NEDD8: variants seen among roughly 807,000 people sequenced by gnomAD.
NEDD8 encodes the protein ubiquitin-like protein NEDD8.
NEDD8 carries 1 observed loss-of-function variant against 13.8 expected under a neutral mutation model. The ratio of observed to expected loss-of-function variants is 0.07; its 90% CI spans 0.03 to 0.34. The LOEUF (loss-of-function observed/expected upper bound fraction) is 0.34. Ranked by LOEUF, NEDD8 falls within the 10% of genes least tolerant of loss-of-function variation. The pLI, the probability that NEDD8 is intolerant of heterozygous loss-of-function variation, is 0.99. For missense variants in NEDD8, 10 were observed against 95.2 expected (o/e 0.10, Z 3.73); for synonymous variants, 31 against 33.2 (o/e 0.93, Z 0.23).
At chr14:24,222,280 G>T (rs1350879329) in intron 1 of NEDD8, among the ~76,000 whole-genome samples, 1 of 152,056 alleles carries the variant, frequency 6.6e-6, no homozygotes, top group Non-Finnish European at 1.5e-5. Flanking sequence ...CAATGTTTAG[G>T]ATAACTATTT....
At chr14:24,218,735 G>A (rs1319513157) in intron 1 of NEDD8, 3 of 441,928 alleles carry the variant, frequency 6.8e-6, no homozygotes, top group Non-Finnish European at 1.2e-5. Context: ...AGATGATACG[G>A]CAATGAAAGG....
At chr14:24,232,106 C>T in intron 1 of NEDD8, 144 bp downstream of exon 1, 3 of 1,341,390 alleles carry the variant, frequency 2.2e-6, no homozygotes, top group South Asian at 2.7e-5. Context: ...CCCCCTATTT[C>T]CCACCACCCC....
intron 1 of NEDD8, among the ~76,000 whole-genome samples, chr14:24,225,969 G>A (rs1310373558): frequency 6.6e-6 from 1 of 151,912 alleles, no homozygotes; most frequent in East Asian, 1.9e-4. Context: ...AACCCAGGAG[G>A]TGGAGGTTGC....
At chr14:24,223,827 C>T (rs1031719805) in intron 1 of NEDD8, among the ~76,000 whole-genome samples, 1 of 152,026 alleles carries the variant, frequency 6.6e-6, no homozygotes, top group African/African-American at 2.4e-5. Flanking sequence ...CTCCGCCTCC[C>T]AGGCTCAAGC....
At chr14:24,229,575 C>T (rs2039955156) in intron 1 of NEDD8, among the ~76,000 whole-genome samples, 1 of 152,154 alleles carries the variant, frequency 6.6e-6, no homozygotes, top group East Asian at 1.9e-4. Flanking sequence ...AGGTCTCAAC[C>T]CATCAGTGGG....
At chr14:24,218,682 A>C in intron 1 of NEDD8, 1 of 573,732 alleles carries the variant, frequency 1.7e-6, no homozygotes, top group South Asian at 2.2e-5. Flanking sequence ...GTCATCTTCC[A>C]ACATCAGTCC....
At chr14:24,218,028 G>T in intron 3 of NEDD8, 105 bp downstream of exon 3, 1 of 1,451,232 alleles carries the variant, frequency 6.9e-7, no homozygotes, top group Non-Finnish European at 9.5e-7. Context: ...AGAGTCTTAG[G>T]CACCAAAAAC....
At chr14:24,230,606 CT>C (rs2039980037) in intron 1 of NEDD8, among the ~76,000 whole-genome samples, 1 of 149,244 alleles carries the variant, frequency 6.7e-6, no homozygotes, top group Non-Finnish European at 1.5e-5. Context: ...TTTTCTCCCC[CT>C]CTCTCTTTCT....
At chr14:24,231,924 T>G in intron 1 of NEDD8, 6 of 323,086 alleles carry the variant, frequency 1.9e-5, no homozygotes, top group South Asian at 1.4e-4. Flanking sequence ...GACGGGGGAG[T>G]CAAGCCGCTG....
At chr14:24,220,784 T>C (rs8011199) in intron 1 of NEDD8, among the ~76,000 whole-genome samples, 8 of 152,226 alleles carry the variant, frequency 5.3e-5, no homozygotes, top group South Asian at 2.1e-4. Flanking sequence ...AAAGTAGAGA[T>C]TGGATCCAGA....
At chr14:24,230,214 G>T (rs1261633978) in intron 1 of NEDD8, among the ~76,000 whole-genome samples, 10 of 88,336 alleles carry the variant, frequency 1.1e-4, no homozygotes, top group Non-Finnish European at 1.6e-4. Context: ...GTGAGACTCT[G>T]TCTCAAAAAA....
At position 24,216,864 on chromosome 14, in the gene NEDD8, A is replaced by C; in HGVS notation, c.*263T>G. ...TGTGCAACAGAAGAAAGATTCCAGG[A>C]GGCCAGGAAATATTTTATTGACAAC... On this transcript the variant is annotated 3_prime_UTR_variant, in exon 4 of 4. Coordinates refer to ENST00000250495, the MANE Select transcript of NEDD8 (RefSeq NM_006156.3). 3.2e-5 allele frequency: 13 copies of C among 401,432 alleles called. No individual in the cohort carries two copies. Among genetic ancestry groups the C allele is most frequent in the East Asian group, 4.1e-5 (1 of 24,488 alleles). The allele number at this position is 401,432 out of a possible 1,614,324, so 24.9% of individuals were successfully genotyped here. A position where few individuals can be genotyped will look rare whatever the true frequency, so the allele number is the denominator to read the frequency against.
chr14:24,217,783 A>G (rs58788688), intron 3 of NEDD8: 8,144 of 202,428 alleles, frequency 0.04, 721 homozygotes, highest in African/African-American at 0.18. Context: ...ACTATTTTCT[A>G]TCATGATCAT....
rs2039721836 is a variant in NEDD8 at position 24,217,312 on chromosome 14, C to G, written c.150-89G>C. Reference sequence around the variant, plus strand: ...TTGTTGTTGTTGTTGTTGTTTTTGACAGAGTCTCGCTCTGTCATCTAGGCT... The same window carrying G: ...TTGTTGTTGTTGTTGTTGTTTTTGAGAGAGTCTCGCTCTGTCATCTAGGCT... On this transcript the variant is annotated intron_variant, in intron 3 of 3. Transcript: ENST00000250495. 4 of 1,100,906 alleles carry G rather than the reference C, an allele frequency of 3.6e-6. No individual in the cohort carries two copies. In the Admixed American group the frequency reaches 8.6e-5, roughly 24 times the overall value. 68.2% of individuals were successfully genotyped at this position (1,100,906 alleles called of 1,614,324 possible).
intron 1 of NEDD8, among the ~76,000 whole-genome samples, chr14:24,223,964 G>A (rs933303705): frequency 6.6e-6 from 1 of 151,796 alleles, no homozygotes; most frequent in African/African-American, 2.4e-5. Context: ...GTCTCGCTCT[G>A]TCGCCCAGGC....
At chr14:24,217,946 C>T in intron 3 of NEDD8, 187 bp downstream of exon 3, 1 of 530,884 alleles carries the variant, frequency 1.9e-6, no homozygotes, top group Non-Finnish European at 3.2e-6. Flanking sequence ...TCCTTTAATT[C>T]TATATATTTT....
intron 1 of NEDD8, among the ~76,000 whole-genome samples, chr14:24,225,171 CAAAA>C: frequency 8.1e-6 from 1 of 123,942 alleles, no homozygotes; most frequent in African/African-American, 3.0e-5. Context: ...GACTCTGTCT[CAAAA>C]AAAAAAAAAA....
chr14:24,218,681 C>G, intron 1 of NEDD8: 1 of 572,910 alleles, frequency 1.7e-6, no homozygotes. Flanking sequence ...AGTCATCTTC[C>G]AACATCAGTC....
At chr14:24,232,113 C>A (rs1247385430) in intron 1 of NEDD8, 137 bp downstream of exon 1, 2 of 1,387,670 alleles carry the variant, frequency 1.4e-6, no homozygotes, top group African/African-American at 1.4e-5. Context: ...TTTCCCACCA[C>A]CCCTCGCGCG....
Sources: allele counts gnomAD v4.1 joint callset (sites outside exome capture counted in the v4.1 genomes callset), GRCh38; gene constraint gnomAD v4.1.1; transcripts MANE v1.5; gene names NCBI Gene and HGNC (gene_info 2026-07-23, HGNC 2026-07-21).